Variants in RSF1 observed in about 807,000 individuals in gnomAD.
RSF1 encodes the protein remodeling and spacing factor 1.
In RSF1, 13 loss-of-function variants were observed where a neutral mutation model predicts 145.2. The observed-to-expected ratio is 0.09, with a 90% CI of 0.06 to 0.14. The LOEUF is 0.14. Among genes scored for constraint, RSF1 ranks in the 10% least tolerant of loss-of-function variants. The pLI is 1.00. For missense variants in RSF1, 1,517 were observed against 1,718.2 expected, an observed-to-expected ratio of 0.88 and a Z score of 2.07; for synonymous variants, 577 against 592.6, an observed-to-expected ratio of 0.97 and a Z score of 0.38.
chr11:77,791,500 A>G (rs1948516969), intron 1 of RSF1, among the ~76,000 whole-genome samples: 1 of 152,198 alleles, frequency 6.6e-6, no homozygotes. Flanking sequence ...TTCTCCTTAG[A>G]AAATGGGTTT....
At chr11:77,703,335 T>C (rs1565154199) in intron 5 of RSF1, 1 of 152,182 alleles carries the variant, frequency 6.6e-6, no homozygotes, top group Admixed American at 6.5e-5. Context: ...ACCAAAGCTA[T>C]ATTCAGTAAA....
intron 1 of RSF1, among the ~76,000 whole-genome samples, chr11:77,786,181 A>T (rs996321485): frequency 2.0e-5 from 3 of 152,060 alleles, no homozygotes; most frequent in Non-Finnish European, 4.4e-5. Flanking sequence ...AGCTAATACT[A>T]AAAATCCTGA....
the RSF1 span, among the ~76,000 whole-genome samples, chr11:77,828,200 G>C: frequency 2.0e-5 from 3 of 151,982 alleles, no homozygotes; most frequent in African/African-American, 7.3e-5. Flanking sequence ...ACTTGAACTT[G>C]GGAGGCAGAG....
chr11:77,756,372 A>G (rs891348741), intron 2 of RSF1, among the ~76,000 whole-genome samples: 7 of 152,030 alleles, frequency 4.6e-5, no homozygotes, highest in Non-Finnish European at 7.4e-5. Flanking sequence ...AAAAAAAAAA[A>G]AAAAGAAAAA....
intron 2 of RSF1, among the ~76,000 whole-genome samples, chr11:77,751,759 T>C (rs1261346710): frequency 1.3e-5 from 2 of 152,114 alleles, no homozygotes; most frequent in East Asian, 3.9e-4. Flanking sequence ...ATTCCCTCTT[T>C]CTCCTTTATA....
intron 2 of RSF1, among the ~76,000 whole-genome samples, chr11:77,751,487 C>T (rs1948063216): frequency 1.3e-5 from 2 of 152,172 alleles, no homozygotes; most frequent in African/African-American, 4.8e-5. Flanking sequence ...CTTCTTCTGT[C>T]CCCTTGAGAT....
chr11:77,832,356 C>T, the RSF1 span, among the ~76,000 whole-genome samples: 12 of 150,530 alleles, frequency 8.0e-5, no homozygotes, highest in Admixed American at 2.6e-4. Flanking sequence ...GACGGCGTTT[C>T]GCTCTTGTTG....
intron 15 of RSF1, among the ~76,000 whole-genome samples, 168 bp downstream of exon 15, chr11:77,671,874 T>A (rs1343760819): frequency 6.6e-6 from 1 of 152,158 alleles, no homozygotes; most frequent in East Asian, 1.9e-4. Flanking sequence ...CCTCAAGTGA[T>A]CTGCATGCCC....
At chr11:77,721,283 C>T (rs138702326) in intron 5 of RSF1, among the ~76,000 whole-genome samples, 3 of 152,194 alleles carry the variant, frequency 2.0e-5, no homozygotes, top group African/African-American at 7.2e-5. Flanking sequence ...TCCCACCTGG[C>T]CCTGATCCCC....
intron 1 of RSF1, among the ~76,000 whole-genome samples, chr11:77,808,196 T>C (rs1368324369): frequency 2.6e-5 from 4 of 151,878 alleles, no homozygotes; most frequent in Non-Finnish European, 5.9e-5. Flanking sequence ...TAGCTGGGCA[T>C]GATGGTGCGT....
chr11:77,811,347 C>A (rs1363616513), intron 1 of RSF1, among the ~76,000 whole-genome samples: 1 of 152,136 alleles, frequency 6.6e-6, no homozygotes, highest in Non-Finnish European at 1.5e-5. Flanking sequence ...TATTACCCAC[C>A]AATTGCTGGT....
intron 1 of RSF1, among the ~76,000 whole-genome samples, chr11:77,788,210 C>T (rs1005970271): frequency 1.0e-5 from 1 of 99,686 alleles, no homozygotes; most frequent in Non-Finnish European, 2.2e-5. Context: ...AAAATATTAC[C>T]GGGCATGCAA....
chr11:77,861,028 T>G, the RSF1 span, among the ~76,000 whole-genome samples: 4 of 152,182 alleles, frequency 2.6e-5, no homozygotes, highest in Non-Finnish European at 5.9e-5. Flanking sequence ...TTGTTGGGCC[T>G]TGGGTCTAAG....
chr11:77,718,854 C>T lies in RSF1; in HGVS notation c.733+6691G>A, dbSNP rs575213906. Among the ~76,000 whole-genome samples, 7 of 152,288 alleles carry T rather than the reference C, an allele frequency of 4.6e-5. No homozygotes were observed. In the East Asian group the frequency reaches 1.2e-3, roughly 25 times the overall value. ...ATAGCCTGAACAGACTAATAGACTA[C>T]GTTAAGTTATATTATTTTGCCACAT... On this transcript the variant is annotated intron_variant, in intron 5 of 15. Coordinates refer to ENST00000308488, the MANE Select transcript of RSF1 (RefSeq NM_016578.4).
intron 1 of RSF1, among the ~76,000 whole-genome samples, chr11:77,803,889 G>A (rs1228380087): frequency 6.6e-6 from 1 of 152,178 alleles, no homozygotes; most frequent in African/African-American, 2.4e-5. Context: ...AGATCAGCCT[G>A]AGCAACATAG....
chr11:77,864,636 T>C, the RSF1 span, among the ~76,000 whole-genome samples: 6 of 152,280 alleles, frequency 3.9e-5, no homozygotes, highest in African/African-American at 1.2e-4. Context: ...GAATAGTAGA[T>C]ACTTGTCTCC....
At chr11:77,671,165 A>G (rs59178202) in intron 15 of RSF1, among the ~76,000 whole-genome samples, 1 of 97,284 alleles carries the variant, frequency 1.0e-5, no homozygotes, top group Non-Finnish European at 1.9e-5. Flanking sequence ...ATATATATAT[A>G]TATATATATA....
At chr11:77,741,079 C>T (rs1335866241) in intron 3 of RSF1, 143 bp from the exon 4 acceptor site, 4 of 652,288 alleles carry the variant, frequency 6.1e-6, no homozygotes, top group Admixed American at 2.5e-5. Context: ...ATCCTCTTCC[C>T]ACTTTCATAC....
chr11:77,802,233 A>C (rs1198739692), intron 1 of RSF1, among the ~76,000 whole-genome samples: 1 of 152,144 alleles, frequency 6.6e-6, no homozygotes, highest in Non-Finnish European at 1.5e-5. Context: ...TATTGAACCT[A>C]AGAAGGAAGT....
Sources: allele counts gnomAD v4.1 joint callset (sites outside exome capture counted in the v4.1 genomes callset), GRCh38; gene constraint gnomAD v4.1.1; transcripts MANE v1.5; gene names NCBI Gene and HGNC (gene_info 2026-07-23, HGNC 2026-07-21).